RBM11: variants seen among roughly 807,000 people sequenced by gnomAD.
The protein encoded by RBM11 is RNA binding motif protein 11.
Under a neutral mutation model 21.4 loss-of-function variants are expected in RBM11, and 18 were observed. The ratio of observed to expected loss-of-function variants is 0.84; its 90% confidence interval spans 0.58 to 1.25. The LOEUF is 1.25. Ranked by LOEUF, RBM11 falls within the 50% of genes most tolerant of loss-of-function variation. The pLI, the probability that RBM11 is intolerant of heterozygous loss-of-function variation, is 0.00. For synonymous variants in RBM11, 120 were observed against 116.3 expected, an observed-to-expected ratio of 1.03 and a Z score of -0.20; for missense variants, 294 against 331.9, an observed-to-expected ratio of 0.89 and a Z score of 0.89.
At chr21:14,221,285 T>A in intron 3 of RBM11, 116 bp downstream of exon 3, 1 of 1,182,144 alleles carries the variant, frequency 8.5e-7, no homozygotes, top group Non-Finnish European at 1.1e-6. Context: ...AGGATAAAAT[T>A]AAGGAATATC....
chr21:14,224,325 T>G (rs1978913822), intron 3 of RBM11, 113 bp from the exon 4 acceptor site: 1 of 1,422,028 alleles, frequency 7.0e-7, no homozygotes, highest in South Asian at 1.5e-5. Flanking sequence ...GTGATTCCTC[T>G]ATGCAGACAA....
intron 3 of RBM11, among the ~76,000 whole-genome samples, chr21:14,222,293 A>C (rs932699245): frequency 2.6e-5 from 4 of 152,010 alleles, no homozygotes; most frequent in African/African-American, 9.7e-5. Flanking sequence ...AGATCTATGT[A>C]TCTCTATATA....
intron 3 of RBM11, among the ~76,000 whole-genome samples, chr21:14,222,276 G>C (rs73152938): frequency 0.017 from 2,526 of 151,754 alleles, 28 homozygotes; most frequent in Non-Finnish European, 0.023. Flanking sequence ...ATTCAGAGTA[G>C]ACATATAGAT....
chr21:14,225,649 T>C (rs1169742754), intron 4 of RBM11, among the ~76,000 whole-genome samples: 2 of 136,124 alleles, frequency 1.5e-5, no homozygotes, highest in African/African-American at 2.6e-5. Context: ...TTGATACTTT[T>C]TAACTTTTGC....
intron 2 of RBM11, 33 bp from the exon 3 acceptor site, chr21:14,221,064 A>T (rs200759359): frequency 2.0e-6 from 3 of 1,525,162 alleles, no homozygotes. Flanking sequence ...AAAATGTACC[A>T]TGAAGTAACC....
rs1164087224 is a variant in RBM11 at position 14,228,206 on chromosome 21, A to G, written c.*913A>G. 1.3e-5 allele frequency: 2 copies of G among 152,192 alleles called. No individual in the cohort carries two copies. The highest frequency in any genetic ancestry group is 2.9e-5 in the Non-Finnish European group (2 of 68,038). The allele number at this position is 152,192 out of a possible 1,614,324, so 9.4% of individuals were successfully genotyped here. On this transcript the variant is annotated 3_prime_UTR_variant, in exon 5 of 5. Transcript: ENST00000400577. The stretch of plus-strand genomic sequence containing the variant: ...TTATAGCTCATTACAAACTAGAGTG[A>G]TGAATATATATATTTACTAAAGCTA...
At chr21:14,223,239 T>C (rs1239433508) in intron 3 of RBM11, among the ~76,000 whole-genome samples, 1 of 152,224 alleles carries the variant, frequency 6.6e-6, no homozygotes, top group Non-Finnish European at 1.5e-5. Context: ...AAAGAAAGCA[T>C]ATAAAATGGG....
At chr21:14,216,573 G>A (rs371850023) in intron 1 of RBM11, among the ~76,000 whole-genome samples, 4 of 152,280 alleles carry the variant, frequency 2.6e-5, no homozygotes, top group Admixed American at 6.5e-5. Flanking sequence ...CCTCGGGTGT[G>A]CGCGGGCAGA....
rs1303036468 is a variant in RBM11, at chr21:14,224,471, T to C, written c.366T>C (p.Phe122=). The change falls in exon 4 of 5, where the codon TTT becomes TTC. Residue 122 remains phenylalanine, a synonymous_variant. Coordinates refer to ENST00000400577, the MANE Select transcript of RBM11 (RefSeq NM_144770.5). ...NEEMLVGRSS[F]PMQYFPINNT... is the part of the protein sequence containing the mutation. ...AAATGTTGGTGGGCAGATCTTCCTTTCCCATGCAGTATTTTCCAATTAATA... is the reference window on the plus strand; with the variant it reads ...AAATGTTGGTGGGCAGATCTTCCTTCCCCATGCAGTATTTTCCAATTAATA... 1.9e-6 allele frequency: 3 copies of C among 1,562,714 alleles called. No individual in the cohort carries two copies. The highest frequency in any genetic ancestry group is 2.6e-6 in the Non-Finnish European group (3 of 1,151,870).
chr21:14,221,550 T>G (rs1978666490), intron 3 of RBM11: 1 of 155,020 alleles, frequency 6.5e-6, no homozygotes, highest in South Asian at 2.0e-4. Flanking sequence ...GATGATAAAG[T>G]GCTAGCTTTG....
Position 14,221,107 on chromosome 21 carries a change from C to G in RBM11, c.270C>G (p.Arg90=). 1 of 1,576,116 alleles carries G rather than the reference C, an allele frequency of 6.3e-7. No homozygotes were observed. Among genetic ancestry groups the G allele is most frequent in the Non-Finnish European group, 8.6e-7 (1 of 1,159,622 alleles). ...INVQYRFGSS[R]SSEPANQSFE... is the part of the protein sequence containing the mutation. Reference sequence around the variant, plus strand: ...CTGTTTCTTTCAAAGGGAGTTCTCGCTCTTCTGAACCAGCTAACCAAAGTT... The same window carrying G: ...CTGTTTCTTTCAAAGGGAGTTCTCGGTCTTCTGAACCAGCTAACCAAAGTT... The change falls in exon 3 of 5, where the codon CGC becomes CGG. Residue 90 remains arginine, a synonymous_variant. Coordinates refer to ENST00000400577, the MANE Select transcript of RBM11 (RefSeq NM_144770.5).
At chr21:14,222,387 T>C (rs1250688369) in intron 3 of RBM11, among the ~76,000 whole-genome samples, 1 of 152,118 alleles carries the variant, frequency 6.6e-6, no homozygotes, top group Admixed American at 6.6e-5. Flanking sequence ...GTGTCATCCA[T>C]ACTGCTTTTT....
intron 1 of RBM11, among the ~76,000 whole-genome samples, chr21:14,217,205 G>A (rs2020465194): frequency 6.6e-6 from 1 of 152,196 alleles, no homozygotes; most frequent in Non-Finnish European, 1.5e-5. Flanking sequence ...TCAAAAGAGA[G>A]TAGTAGTATC....
intron 3 of RBM11, 61 bp downstream of exon 3, chr21:14,221,230 T>G (rs1978640222): frequency 1.4e-6 from 2 of 1,476,800 alleles, no homozygotes; most frequent in Non-Finnish European, 1.8e-6. Context: ...CCAAGAGGAG[T>G]TTTTATATAT....
intron 4 of RBM11, among the ~76,000 whole-genome samples, chr21:14,225,739 TC>T (rs1424200907): frequency 1.3e-5 from 2 of 152,158 alleles, no homozygotes; most frequent in African/African-American, 4.8e-5. Flanking sequence ...AATGTCTTCA[TC>T]GAAGCATTTT....
chr21:14,225,910 G>T (rs1429390784), intron 4 of RBM11, among the ~76,000 whole-genome samples: 1 of 151,684 alleles, frequency 6.6e-6, no homozygotes, highest in African/African-American at 2.4e-5. Flanking sequence ...AAATATGGGG[G>T]CAATTTGCCA....
At chr21:14,225,630 T>C (rs534538436) in intron 4 of RBM11, among the ~76,000 whole-genome samples, 1 of 151,218 alleles carries the variant, frequency 6.6e-6, no homozygotes, top group East Asian at 2.0e-4. Context: ...ACAGAAATTT[T>C]CCTGTAAATT....
chr21:14,224,370 T>G, intron 3 of RBM11, 68 bp from the exon 4 acceptor site: 1 of 1,500,258 alleles, frequency 6.7e-7, no homozygotes, highest in Non-Finnish European at 8.9e-7. Context: ...GTGGTTTTTC[T>G]TAAGAGAAAA....
At chr21:14,222,508 G>A (rs400385) in intron 3 of RBM11, among the ~76,000 whole-genome samples, 34,369 of 151,782 alleles carry the variant, frequency 0.23, 4,094 homozygotes, top group African/African-American at 0.31. Flanking sequence ...TGGCCCCTCG[G>A]GACTGTCAAA....
Sources: allele counts gnomAD v4.1 joint callset (sites outside exome capture counted in the v4.1 genomes callset), GRCh38; gene constraint gnomAD v4.1.1; transcripts MANE v1.5; gene names NCBI Gene and HGNC (gene_info 2026-07-23, HGNC 2026-07-21).